The following NOL10 variants were observed in gnomAD, a reference collection of about 807,000 sequenced individuals.
The protein encoded by NOL10 is H_NH0074G24.1.
In NOL10, 58 loss-of-function variants were observed where a neutral mutation model predicts 103.5. The observed-to-expected ratio is 0.56, with a 90% CI of 0.45 to 0.70. NOL10 has a LOEUF of 0.70. Among genes scored for constraint, NOL10 ranks in the 30% least tolerant of loss-of-function variants. NOL10 has a pLI of 0.00. For missense variants in NOL10, 763 were observed against 807.3 expected (o/e 0.95, Z 0.67); for synonymous variants, 287 against 282.5 (o/e 1.02, Z -0.16).
chr2:10,686,853 G>C (rs73169922), intron 1 of NOL10, among the ~76,000 whole-genome samples: 7 of 139,590 alleles, frequency 5.0e-5, no homozygotes, highest in East Asian at 2.0e-4. Flanking sequence ...GGGGAAATGT[G>C]GGGGGAAAGC....
intron 19 of NOL10, 88 bp from the exon 20 acceptor site, chr2:10,577,826 A>G: frequency 1.2e-6 from 1 of 841,104 alleles, no homozygotes; most frequent in Non-Finnish European, 1.9e-6. Context: ...ATTGATAGCG[A>G]AGAAAAATGT....
At chr2:10,581,264 T>C (rs1674735833) in intron 19 of NOL10, among the ~76,000 whole-genome samples, 1 of 131,918 alleles carries the variant, frequency 7.6e-6, no homozygotes, top group Non-Finnish European at 1.8e-5. Context: ...GAGGGTGATC[T>C]GGCAGTCTCT....
At chr2:10,586,182 G>T (rs1442593651) in intron 19 of NOL10, among the ~76,000 whole-genome samples, 4 of 152,240 alleles carry the variant, frequency 2.6e-5, no homozygotes, top group Non-Finnish European at 5.9e-5. Flanking sequence ...TGATGACAAT[G>T]TTCTAAAATT....
chr2:10,689,714 A>C, intron 1 of NOL10, 82 bp downstream of exon 1: 14 of 1,333,612 alleles, frequency 1.0e-5, no homozygotes, highest in Non-Finnish European at 1.5e-5. Context: ...AACAGAGGCT[A>C]GGGCCGAGGA....
intron 12 of NOL10, among the ~76,000 whole-genome samples, chr2:10,647,530 AAAAC>A (rs1242307691): frequency 6.6e-6 from 1 of 152,230 alleles, no homozygotes; most frequent in African/African-American, 2.4e-5. Context: ...AATTCGAAAC[AAAAC>A]AAAAAACCAA....
At chr2:10,598,643 A>G (rs1675821095) in intron 17 of NOL10, among the ~76,000 whole-genome samples, 1 of 152,246 alleles carries the variant, frequency 6.6e-6, no homozygotes, top group Non-Finnish European at 1.5e-5. Context: ...GACAATTCAT[A>G]ACGTCAAAAG....
At chr2:10,585,496 T>C (rs1674980154) in intron 19 of NOL10, among the ~76,000 whole-genome samples, 3 of 152,228 alleles carry the variant, frequency 2.0e-5, no homozygotes, top group East Asian at 1.9e-4. Flanking sequence ...CCAATGTTCA[T>C]AGCAGCATTA....
At chr2:10,630,783 T>C (rs1485646921) in intron 13 of NOL10, among the ~76,000 whole-genome samples, 1 of 152,174 alleles carries the variant, frequency 6.6e-6, no homozygotes, top group African/African-American at 2.4e-5. Flanking sequence ...CTGGACTAGA[T>C]GACCTTGGAG....
At chr2:10,671,040 C>T (rs1680900371) in intron 6 of NOL10, among the ~76,000 whole-genome samples, 2 of 152,082 alleles carry the variant, frequency 1.3e-5, no homozygotes, top group South Asian at 2.1e-4. Context: ...AAAATAATAA[C>T]AATAAAACCC....
At chr2:10,629,744 T>C (rs995380232) in intron 13 of NOL10, among the ~76,000 whole-genome samples, 4 of 152,170 alleles carry the variant, frequency 2.6e-5, no homozygotes, top group Non-Finnish European at 5.9e-5. Context: ...GACTAAACAA[T>C]CCCAAATCAT....
intron 1 of NOL10, among the ~76,000 whole-genome samples, chr2:10,689,074 G>A (rs901735104): frequency 1.3e-5 from 2 of 152,220 alleles, no homozygotes; most frequent in African/African-American, 2.4e-5. Context: ...GTGCTCAGTG[G>A]TAGTGCTTGG....
At chr2:10,635,968 C>T (rs1406848897) in intron 13 of NOL10, among the ~76,000 whole-genome samples, 1 of 152,246 alleles carries the variant, frequency 6.6e-6, no homozygotes, top group African/African-American at 2.4e-5. Context: ...TCACCGTAAC[C>T]TCTGTCTGCC....
At chr2:10,627,531 C>T (rs1031207538) in intron 13 of NOL10, among the ~76,000 whole-genome samples, 8 of 151,800 alleles carry the variant, frequency 5.3e-5, no homozygotes, top group South Asian at 2.1e-4. Flanking sequence ...AAAAATTAGT[C>T]GGGCGTGGTG....
At chr2:10,652,607 G>A (rs114858438) in intron 12 of NOL10, among the ~76,000 whole-genome samples, 5,049 of 152,116 alleles carry the variant, frequency 0.033, 290 homozygotes, top group African/African-American at 0.12. Context: ...TTCAAAAACC[G>A]TGGGGCCTGG....
chr2:10,578,017 T>A (rs1674545428), intron 19 of NOL10, among the ~76,000 whole-genome samples: 1 of 152,354 alleles, frequency 6.6e-6, no homozygotes, highest in Non-Finnish European at 1.5e-5. Context: ...CTACTTTTCT[T>A]ACTAAAATCA....
chr2:10,580,943 A>G (rs1674717126), intron 19 of NOL10, among the ~76,000 whole-genome samples: 1 of 152,230 alleles, frequency 6.6e-6, no homozygotes, highest in African/African-American at 2.4e-5. Context: ...TAGAAAATGG[A>G]GAAAGAGAAT....
intron 5 of NOL10, 145 bp from the exon 6 acceptor site, chr2:10,671,835 T>A (rs1680965965): frequency 1.7e-6 from 1 of 586,368 alleles, no homozygotes; most frequent in Non-Finnish European, 3.0e-6. Flanking sequence ...GCACACACAC[T>A]CCACTGGGAT....
At chr2:10,594,818 T>C (rs1675580616) in intron 17 of NOL10, among the ~76,000 whole-genome samples, 1 of 151,966 alleles carries the variant, frequency 6.6e-6, no homozygotes, top group Non-Finnish European at 1.5e-5. Context: ...CAGTGAGACC[T>C]CAGCTCTACT....
At chr2:10,650,450 G>A (rs751011419) in intron 12 of NOL10, among the ~76,000 whole-genome samples, 1 of 152,152 alleles carries the variant, frequency 6.6e-6, no homozygotes, top group Non-Finnish European at 1.5e-5. Flanking sequence ...ACAGGCGTGA[G>A]CCACTGCACT....
Sources: allele counts gnomAD v4.1 joint callset (sites outside exome capture counted in the v4.1 genomes callset), GRCh38; gene constraint gnomAD v4.1.1; transcripts MANE v1.5; gene names NCBI Gene and HGNC (gene_info 2026-07-23, HGNC 2026-07-21).